Variants in DKK2 observed in about 807,000 individuals in gnomAD.
DKK2 encodes dickkopf-related protein 2.
Under a neutral mutation model 28.1 loss-of-function variants are expected in DKK2, and 11 were observed. The observed-to-expected ratio is 0.39, with a 90% CI of 0.25 to 0.65. DKK2 has a LOEUF of 0.65. Ranked by LOEUF, DKK2 falls within the 30% of genes least tolerant of loss-of-function variation. DKK2 has a pLI of 0.47. For synonymous variants in DKK2, 135 were observed against 126.5 expected, an observed-to-expected ratio of 1.07 and a Z score of -0.45; for missense variants, 326 against 335.5, an observed-to-expected ratio of 0.97 and a Z score of 0.22.
chr4:107,001,937 C>G (rs1016995328), intron 1 of DKK2, among the ~76,000 whole-genome samples: 6 of 152,260 alleles, frequency 3.9e-5, no homozygotes, highest in Non-Finnish European at 8.8e-5. Flanking sequence ...CATTACATTA[C>G]TTTGATTACA....
At chr4:106,962,489 CTATG>C (rs1417130782) in intron 1 of DKK2, among the ~76,000 whole-genome samples, 29 of 113,122 alleles carry the variant, frequency 2.6e-4, no homozygotes, top group Admixed American at 1.7e-3. Flanking sequence ...GCCAGAAAAA[CTATG>C]TGTGTGTGTG....
At chr4:106,989,755 TGTTA>T (rs1242269848) in intron 1 of DKK2, among the ~76,000 whole-genome samples, 3 of 152,184 alleles carry the variant, frequency 2.0e-5, no homozygotes, top group South Asian at 2.1e-4. Context: ...TTGTTGGTGA[TGTTA>T]GTTAGGGTCA....
At chr4:106,969,758 G>T (rs1419849693) in intron 1 of DKK2, among the ~76,000 whole-genome samples, 2 of 152,050 alleles carry the variant, frequency 1.3e-5, no homozygotes, top group African/African-American at 2.4e-5. Flanking sequence ...AAAGGAAAAG[G>T]CTGATGAAAG....
rs538653241 is a variant in DKK2, at chr4:106,979,081, T to TTG, written c.223-53133_223-53132insCA. Among the ~76,000 whole-genome samples the TTG allele has an allele frequency of 3.2e-3, 482 of 152,036 alleles. 4 individuals carry two copies. Among genetic ancestry groups the TTG allele is most frequent in the Non-Finnish European group, 3.0e-3 (205 of 67,960 alleles). On this transcript the variant is annotated intron_variant, in intron 1 of 3. Coordinates refer to ENST00000285311, the MANE Select transcript of DKK2 (RefSeq NM_014421.3). The stretch of plus-strand genomic sequence containing the variant: ...AGGTTTTTTGTTTTTGTTTTTGTTT[T>TTG]TTTTTCAGAATTTATAAAACTGTGA...
At chr4:106,962,038 G>T (rs1166911634) in intron 1 of DKK2, among the ~76,000 whole-genome samples, 1 of 152,074 alleles carries the variant, frequency 6.6e-6, no homozygotes, top group African/African-American at 2.4e-5. Flanking sequence ...GCAGTGGACT[G>T]GTTTTAACCA....
chr4:106,987,030 G>A (rs1376103694), intron 1 of DKK2, among the ~76,000 whole-genome samples: 2 of 152,162 alleles, frequency 1.3e-5, no homozygotes, highest in Admixed American at 1.3e-4. Context: ...GTTTGAAATA[G>A]CAAAGGCAGA....
intron 1 of DKK2, among the ~76,000 whole-genome samples, chr4:107,023,408 A>G (rs373612231): frequency 3.1e-4 from 47 of 152,236 alleles, no homozygotes; most frequent in African/African-American, 9.9e-4. Flanking sequence ...ATATGGTATG[A>G]TTACAACTGC....
intron 1 of DKK2, among the ~76,000 whole-genome samples, chr4:106,959,449 G>A (rs1189793876): frequency 6.6e-6 from 1 of 151,854 alleles, no homozygotes; most frequent in East Asian, 1.9e-4. Context: ...TCATTTATCT[G>A]GGGAGTCCAT....
chr4:107,028,054 G>T (rs1723817296), intron 1 of DKK2, among the ~76,000 whole-genome samples: 1 of 152,078 alleles, frequency 6.6e-6, no homozygotes, highest in Non-Finnish European at 1.5e-5. Flanking sequence ...GCCCTGCCAT[G>T]ATTGTATTGT....
intron 1 of DKK2, among the ~76,000 whole-genome samples, chr4:107,011,162 T>C (rs1168084159): frequency 6.6e-6 from 1 of 151,494 alleles, no homozygotes; most frequent in African/African-American, 2.4e-5. Flanking sequence ...ACAACAAAAC[T>C]TGACAGATGG....
At chr4:107,019,727 A>T (rs1723664263) in intron 1 of DKK2, among the ~76,000 whole-genome samples, 1 of 152,032 alleles carries the variant, frequency 6.6e-6, no homozygotes, top group South Asian at 2.1e-4. Context: ...TAAAAGCAGC[A>T]GTCAGTTTTG....
intron 1 of DKK2, among the ~76,000 whole-genome samples, chr4:106,937,875 A>G (rs1446155846): frequency 6.6e-6 from 1 of 152,066 alleles, no homozygotes; most frequent in African/African-American, 2.4e-5. Context: ...ACTACTGGGT[A>G]CATAATGAAA....
Position 107,035,622 on chromosome 4 carries a change from A to G in DKK2, c.-31T>C. Reference sequence around the variant, plus strand: ...GGCGAGGGGGTCCCCAGGAAGACGCAAAGCCCGGAGGGGTGGGAATGCAAA... The same window carrying G: ...GGCGAGGGGGTCCCCAGGAAGACGCGAAGCCCGGAGGGGTGGGAATGCAAA... On this transcript the variant is annotated 5_prime_UTR_variant, in exon 1 of 4. Transcript: ENST00000285311. 1 of 1,610,844 alleles carries G rather than the reference A, an allele frequency of 6.2e-7. No homozygotes were observed. Among genetic ancestry groups the G allele is most frequent in the South Asian group, 1.1e-5 (1 of 90,998 alleles).
intron 1 of DKK2, among the ~76,000 whole-genome samples, chr4:107,002,882 G>A (rs1723380184): frequency 6.6e-6 from 1 of 152,098 alleles, no homozygotes; most frequent in Non-Finnish European, 1.5e-5. Context: ...TATAAAATGG[G>A]GAGAATACCC....
At chr4:106,995,813 G>C (rs1578372012) in intron 1 of DKK2, among the ~76,000 whole-genome samples, 1 of 151,998 alleles carries the variant, frequency 6.6e-6, no homozygotes, top group African/African-American at 2.4e-5. Flanking sequence ...GGGTTTCACC[G>C]TGTTAGCCAG....
intron 1 of DKK2, among the ~76,000 whole-genome samples, chr4:107,024,129 C>T (rs1723735941): frequency 6.6e-6 from 1 of 152,166 alleles, no homozygotes; most frequent in East Asian, 1.9e-4. Context: ...TATTCTGAAG[C>T]CTGTAACCTA....
intron 1 of DKK2, among the ~76,000 whole-genome samples, chr4:106,965,423 T>G (rs112347510): frequency 6.6e-6 from 1 of 152,056 alleles, no homozygotes; most frequent in Non-Finnish European, 1.5e-5. Context: ...TTATACAGGT[T>G]TTCTCACTTA....
intron 1 of DKK2, among the ~76,000 whole-genome samples, chr4:106,990,920 A>G (rs931856568): frequency 7.9e-5 from 12 of 152,040 alleles, no homozygotes; most frequent in African/African-American, 2.2e-4. Flanking sequence ...TGTAGAAGAA[A>G]ATGACAGTCA....
intron 1 of DKK2, among the ~76,000 whole-genome samples, chr4:106,941,383 A>C (rs77528291): frequency 6.6e-6 from 1 of 152,144 alleles, no homozygotes; most frequent in Non-Finnish European, 1.5e-5. Context: ...GTCCATTAGT[A>C]AGAGAAAGAA....
Sources: gnomAD v4.1 joint callset for allele counts (sites outside exome capture counted in the v4.1 genomes callset) on GRCh38, gnomAD v4.1.1 for gene constraint, MANE v1.5 for transcripts, NCBI Gene and HGNC (gene_info 2026-07-23, HGNC 2026-07-21) for gene names.